The following RP1 variants were observed in gnomAD, a reference collection of about 807,000 sequenced individuals.
RP1 encodes the protein RP1 axonemal microtubule associated.
RP1 carries 16 observed loss-of-function variants against 14.8 expected under a neutral mutation model. That is an observed-to-expected ratio of 1.08 (90% CI 0.73 to 1.65). The LOEUF is 1.65. RP1 is among the 40% of genes most tolerant of loss of function. RP1 has a pLI of 0.00. For missense variants in RP1, 2,631 were observed against 2,535.0 expected (o/e 1.04, Z -0.81); for synonymous variants, 876 against 883.6 (o/e 0.99, Z 0.15).
chr8:54,596,072 T>G (rs1218682828), intron 1 of RP1, among the ~76,000 whole-genome samples: 1 of 152,206 alleles, frequency 6.6e-6, no homozygotes, highest in Non-Finnish European at 1.5e-5. Context: ...CTTAGAAAAT[T>G]CTTGGGATAT....
At chr8:54,809,566 T>A (rs1443201397) in intron 24 of RP1, among the ~76,000 whole-genome samples, 2 of 145,274 alleles carry the variant, frequency 1.4e-5, no homozygotes, top group Non-Finnish European at 3.0e-5. Flanking sequence ...TATTTCAATC[T>A]TATGCCAGAA....
rs1474036854 is a variant in RP1 at position 54,567,956 on chromosome 8, A to G, written c.-13+8636A>G. ...AAAGCAGCATGAAAAGCAGACACAT[A>G]TATTTCTTTCTCATTAAAAAATGTG... On this transcript the variant is annotated intron_variant, in intron 1 of 22. Transcript: ENST00000636932. 2.0e-5 allele frequency among the ~76,000 whole-genome samples: 3 copies of G among 152,182 alleles called. No individual in the cohort carries two copies. The East Asian group carries it at 5.8e-4, about 29-fold the overall frequency.
chr8:54,823,784 G>C (rs1320838320), intron 24 of RP1, among the ~76,000 whole-genome samples: 6 of 152,176 alleles, frequency 3.9e-5, no homozygotes, highest in Non-Finnish European at 7.3e-5. Flanking sequence ...ACTTTGTGAG[G>C]ACATGGTTTT....
intron 13 of RP1, chr8:54,699,671 G>T: frequency 2.1e-6 from 1 of 485,990 alleles, no homozygotes; most frequent in Non-Finnish European, 3.3e-6. Flanking sequence ...CTTTTGGCTT[G>T]TACTAGCACT....
chr8:54,621,169 A>C lies in RP1; in HGVS notation c.203A>C (p.Asp68Ala). The part of the protein sequence containing the change: ...RSFKSFDALL[D>A]NLSRKVPLPF... The stretch of plus-strand genomic sequence containing the variant: ...TTTAAGTCCTTTGATGCTCTGCTGG[A>C]TAACTTGTCCAGGAAGGTGCCCCTC... Residue 68 changes from aspartate (D) to alanine (A), a missense_variant, in exon 2 of 4, where the codon GAT becomes GCT. Coordinates refer to ENST00000220676, the MANE Select transcript of RP1 (RefSeq NM_006269.2). 1 of 1,614,132 alleles carries C rather than the reference A, an allele frequency of 6.2e-7. No individual in the cohort carries two copies. Among genetic ancestry groups the C allele is most frequent in the Non-Finnish European group, 8.5e-7 (1 of 1,180,010 alleles).
chr8:54,667,381 G>A (rs1472713182), intron 7 of RP1, among the ~76,000 whole-genome samples: 1 of 152,102 alleles, frequency 6.6e-6, no homozygotes, highest in Non-Finnish European at 1.5e-5. Context: ...CTAACTTGGA[G>A]CCATGACAGA....
At chr8:54,780,788 C>A in intron 23 of RP1, 1 of 230,556 alleles carries the variant, frequency 4.3e-6, no homozygotes, top group South Asian at 1.6e-4. Context: ...GCGTTGGTAT[C>A]TATGGGGGTT....
At chr8:54,824,137 T>G (rs1459174876) in intron 24 of RP1, among the ~76,000 whole-genome samples, 1 of 151,842 alleles carries the variant, frequency 6.6e-6, no homozygotes, top group Non-Finnish European at 1.5e-5. Context: ...TTGTGTGTTT[T>G]TTTTTTAATA....
intron 12 of RP1, among the ~76,000 whole-genome samples, chr8:54,699,153 A>G (rs1183811758): frequency 6.6e-6 from 1 of 151,054 alleles, no homozygotes; most frequent in Non-Finnish European, 1.5e-5. Flanking sequence ...GTATATGTAT[A>G]TAGATATAGC....
chr8:54,583,234 CT>C lies in RP1; in HGVS notation c.-13+23918del, dbSNP rs1804839350. ...AGGGTTGTTGAATTTTGTTGAAGGC[CT>C]TTTCTGCATCTATTGAGATAGTCAT... On this transcript the variant is annotated intron_variant, in intron 1 of 22. Transcript: ENST00000636932. 2.6e-5 allele frequency among the ~76,000 whole-genome samples: 4 copies of C among 152,208 alleles called. No individual in the cohort carries two copies. In the South Asian group the frequency reaches 8.3e-4, roughly 32 times the overall value.
intron 5 of RP1, among the ~76,000 whole-genome samples, chr8:54,655,851 C>CGAAAT: frequency 6.7e-6 from 1 of 150,266 alleles, no homozygotes; most frequent in East Asian, 2.0e-4. Flanking sequence ...GACTTTGTCT[C>CGAAAT]AAATAAATAA....
chr8:54,669,043 A>G (rs1475675579), intron 7 of RP1, among the ~76,000 whole-genome samples: 2 of 152,210 alleles, frequency 1.3e-5, no homozygotes, highest in Non-Finnish European at 2.9e-5. Context: ...TAATTAATCT[A>G]AAGAGCTTCT....
In RP1 at chr8:54,629,121, C is replaced by T; in HGVS notation, c.5239C>T (p.Leu1747Phe). 1 of 1,614,094 alleles carries T rather than the reference C, an allele frequency of 6.2e-7. No individual in the cohort carries two copies. Among genetic ancestry groups the T allele is most frequent in the African/African-American group, 1.3e-5 (1 of 75,036 alleles). ...AGTACTGATTGACAAAGGCAAATGGCTTCTGAAAGAAAATCATTTGCTAAG... is the reference window on the plus strand; with the variant it reads ...AGTACTGATTGACAAAGGCAAATGGTTTCTGAAAGAAAATCATTTGCTAAG... The part of the protein sequence containing the change: ...EGVLIDKGKW[L>F]LKENHLLRMS... The change falls in exon 4 of 4, where the codon CTT (leucine) becomes TTT (phenylalanine). Residue 1747 changes from leucine (L) to phenylalanine (F), a missense_variant. Coordinates refer to ENST00000220676, the MANE Select transcript of RP1 (RefSeq NM_006269.2).
chr8:54,821,961 C>A (rs1227403053), intron 24 of RP1, among the ~76,000 whole-genome samples: 2 of 152,124 alleles, frequency 1.3e-5, no homozygotes, highest in Non-Finnish European at 2.9e-5. Flanking sequence ...TGCTAAAGGA[C>A]AGAAGAGCAA....
At chr8:54,617,112 C>T (rs77647051) in intron 1 of RP1, among the ~76,000 whole-genome samples, 15 of 152,226 alleles carry the variant, frequency 9.9e-5, no homozygotes, top group African/African-American at 2.4e-4. Context: ...TCATTAGAAG[C>T]GGATTTTAAG....
chr8:54,744,799 T>A (rs147421532), intron 19 of RP1, among the ~76,000 whole-genome samples: 231 of 152,372 alleles, frequency 1.5e-3, no homozygotes, highest in African/African-American at 5.2e-3. Flanking sequence ...AATCTTTATG[T>A]CTTTTATATA....
At chr8:54,774,114 T>C (rs753168297), downstream of RP1, among the ~76,000 whole-genome samples, 7 of 152,186 alleles carry the variant, frequency 4.6e-5, no homozygotes, top group Non-Finnish European at 7.3e-5. Context: ...ATAGATAGTT[T>C]TGTATTGCCT....
intron 8 of RP1, among the ~76,000 whole-genome samples, chr8:54,675,293 A>T (rs970618559): frequency 5.3e-5 from 8 of 152,288 alleles, no homozygotes; most frequent in African/African-American, 1.9e-4. Context: ...ATTTTTTGGT[A>T]AAGTTTATAA....
At chr8:54,643,249 A>T (rs936632248) in intron 3 of RP1, among the ~76,000 whole-genome samples, 1 of 152,208 alleles carries the variant, frequency 6.6e-6, no homozygotes, top group Non-Finnish European at 1.5e-5. Flanking sequence ...TGCATTTTAA[A>T]TGTACAATGT....
Sources: allele counts gnomAD v4.1 joint callset (sites outside exome capture counted in the v4.1 genomes callset), GRCh38; gene constraint gnomAD v4.1.1; transcripts MANE v1.5; gene names NCBI Gene and HGNC (gene_info 2026-07-23, HGNC 2026-07-21).